Variants in USP20 observed in about 807,000 individuals in gnomAD.
USP20 encodes ubiquitin specific peptidase 20, also known as ubiquitin carboxyl-terminal hydrolase 20.
A neutral mutation model predicts 124.2 loss-of-function variants in USP20; 80 were observed. The ratio of observed to expected loss-of-function variants is 0.64; its 90% CI spans 0.54 to 0.78. USP20 has a LOEUF of 0.78. Ranked by LOEUF, USP20 falls within the 30% of genes least tolerant of loss-of-function variation. The pLI is 0.00. For missense variants in USP20, 1,043 were observed against 1,244.4 expected (o/e 0.84, Z 2.44); for synonymous variants, 481 against 512.3 (o/e 0.94, Z 0.83).
Position 129,869,385 on chromosome 9 carries a change from G to A in USP20, c.1352G>A (p.Gly451Asp). 2 of 1,613,696 alleles carry A rather than the reference G, an allele frequency of 1.2e-6. No homozygotes were observed. Among genetic ancestry groups the A allele is most frequent in the Non-Finnish European group, 1.7e-6 (2 of 1,179,978 alleles). ...AGCGTCATCTCAGACATCTTTGACGGCTCCATTCTCAGCCTTGTGCAGTGT... is the reference window on the plus strand; with the variant it reads ...AGCGTCATCTCAGACATCTTTGACGACTCCATTCTCAGCCTTGTGCAGTGT... Reference protein sequence around the residue: ...YRSVISDIFDGSILSLVQCLT... With the variant: ...YRSVISDIFDDSILSLVQCLT... Residue 451 changes from glycine to aspartate, a missense_variant, in exon 13 of 26, where the codon GGC becomes GAC. Transcript: ENST00000372429.
intron 10 of USP20, 57 bp downstream of exon 10, chr9:129,865,438 T>C: frequency 6.3e-7 from 1 of 1,591,310 alleles, no homozygotes; most frequent in South Asian, 1.1e-5. Flanking sequence ...CAGGCCTGAC[T>C]TTGACGCCAA....
chr9:129,874,776 C>A lies in USP20; in HGVS notation c.1921+20C>A. On this transcript the variant is annotated intron_variant, in intron 18 of 25. Transcript: ENST00000372429. ...CAGGCAGTGAGTCATGTCCCCTCCC[C>A]TGCCGTCCCCATCCGCTAGGATCCC... The A allele has an allele frequency of 1.2e-6, 2 of 1,613,754 alleles. No homozygotes were observed. Among genetic ancestry groups the A allele is most frequent in the East Asian group, 4.5e-5 (2 of 44,880 alleles).
intron 3 of USP20, among the ~76,000 whole-genome samples, chr9:129,855,363 G>A (rs1383516308): frequency 1.3e-5 from 2 of 151,920 alleles, no homozygotes; most frequent in Admixed American, 6.6e-5. Flanking sequence ...CCCCGGAGGC[G>A]GAGTTTGCAG....
intron 1 of USP20, among the ~76,000 whole-genome samples, chr9:129,846,239 A>ATT (rs1384907761): frequency 3.3e-4 from 7 of 21,404 alleles, no homozygotes; most frequent in East Asian, 7.4e-3. Flanking sequence ...ATATATATAT[A>ATT]TATATATATT....
At chr9:129,869,161 A>G (rs1451034063) in intron 12 of USP20, 149 bp from the exon 13 acceptor site, 4 of 1,316,834 alleles carry the variant, frequency 3.0e-6, no homozygotes, top group Non-Finnish European at 3.1e-6. Flanking sequence ...TTTGCAGAGG[A>G]TGACACAGAG....
intron 15 of USP20, among the ~76,000 whole-genome samples, chr9:129,873,035 C>T (rs1159208380): frequency 6.6e-6 from 1 of 151,332 alleles, no homozygotes; most frequent in East Asian, 1.9e-4. Context: ...GGCCTTCCCT[C>T]CCTCCAGTAC....
At chr9:129,878,234 C>T (rs1322687264) in intron 22 of USP20, 104 bp from the exon 23 acceptor site, 1 of 911,466 alleles carries the variant, frequency 1.1e-6, no homozygotes, top group Non-Finnish European at 1.7e-6. Flanking sequence ...TTTTGTAAGA[C>T]TCTTGGGTGA....
In USP20 at chr9:129,876,224, G is replaced by C. The variant is rs369782121; in HGVS notation, c.2395G>C (p.Asp799His). ...GGCCAAGCGCAGGAGGATCGAGATC[G>C]ACACCTTCATCAAGGTGCGTGCGGC... Reference protein sequence around the residue: ...ALAKRRRIEIDTFIKLNKAFQ... With the variant: ...ALAKRRRIEIHTFIKLNKAFQ... The change falls in exon 22 of 26, where the codon GAC (aspartate) becomes CAC (histidine). Residue 799 changes from aspartate (D) to histidine (H), a missense_variant. Physicochemically the swap from Asp to His is moderately conservative, Grantham distance 81. Transcript: ENST00000372429. 1 of 1,610,164 alleles carries C rather than the reference G, an allele frequency of 6.2e-7. No homozygotes were observed. The highest frequency in any genetic ancestry group is 8.5e-7 in the Non-Finnish European group (1 of 1,178,580).
rs376139944 is a variant in USP20, at chr9:129,875,614, A to G, written c.2273A>G (p.Gln758Arg). ...YIDDLVVILP[Q>R]NVWEHLYNRF... is the part of the protein sequence containing the mutation. ...GACGACCTGGTGGTCATCCTGCCCCAGAACGTCTGGGAGCACCTGTACAAC... is the reference window on the plus strand; with the variant it reads ...GACGACCTGGTGGTCATCCTGCCCCGGAACGTCTGGGAGCACCTGTACAAC... Residue 758 changes from glutamine to arginine, a missense_variant, in exon 21 of 26, where the codon CAG becomes CGG. Coordinates refer to ENST00000372429, the MANE Select transcript of USP20 (RefSeq NM_001110303.4). The G allele has an allele frequency of 1.9e-6, 3 of 1,613,910 alleles. No homozygotes were observed. In the African/African-American group the frequency reaches 4.0e-5, roughly 22 times the overall value.
chr9:129,855,518 C>T (rs931762685), intron 3 of USP20, among the ~76,000 whole-genome samples: 1 of 152,068 alleles, frequency 6.6e-6, no homozygotes, highest in Non-Finnish European at 1.5e-5. Context: ...CCATTCTCAA[C>T]ATGTGGCTTT....
intron 8 of USP20, 57 bp from the exon 9 acceptor site, chr9:129,863,129 A>G (rs2033636046): frequency 1.4e-6 from 2 of 1,397,726 alleles, no homozygotes; most frequent in Non-Finnish European, 9.7e-7. Context: ...AGCCCTTTCT[A>G]AACTGCCGCA....
chr9:129,871,330 GCAGCGT>G lies in USP20; in HGVS notation c.1660+784_1660+789del, dbSNP rs527336928. ...AACGTCCTTAGGGTTCATCCACGTT[GCAGCGT>G]GTGTGTCGGAATGCCCTGCCTTTTG... On this transcript the variant is annotated intron_variant, in intron 15 of 25. Coordinates refer to ENST00000372429, the MANE Select transcript of USP20 (RefSeq NM_001110303.4). 8.5e-4 allele frequency among the ~76,000 whole-genome samples: 11 copies of G among 12,948 alleles called. No homozygotes were observed. In the Admixed American group the frequency reaches 0.02, roughly 24 times the overall value. The allele number at this position is 12,948 out of a possible 152,430, so 8.5% of individuals were successfully genotyped here.
At chr9:129,841,397 T>C (rs2032203037) in intron 1 of USP20, among the ~76,000 whole-genome samples, 1 of 152,250 alleles carries the variant, frequency 6.6e-6, no homozygotes, top group Non-Finnish European at 1.5e-5. Context: ...AGACATTATC[T>C]TCAAATATGA....
In USP20 at chr9:129,842,748, C is replaced by G. The variant is rs575727768; in HGVS notation, c.-128-7065C>G. The stretch of plus-strand genomic sequence containing the variant: ...AGCTGGGCTTACAGGCATGTGCCAC[C>G]ACACCTGGCTAATTTTTTGTATTTT... On this transcript the variant is annotated intron_variant, in intron 1 of 25. Transcript: ENST00000372429. Among the ~76,000 whole-genome samples the G allele has an allele frequency of 4.0e-3, 616 of 152,146 alleles. 3 individuals are homozygous for G. The highest frequency in any genetic ancestry group is 6.7e-3 in the Non-Finnish European group (455 of 68,002).
intron 1 of USP20, among the ~76,000 whole-genome samples, chr9:129,837,721 G>A (rs1053098329): frequency 3.3e-5 from 5 of 152,188 alleles, no homozygotes; most frequent in African/African-American, 1.2e-4. Context: ...GGGTGGCAAG[G>A]TTGAGTTGCA....
intron 2 of USP20, among the ~76,000 whole-genome samples, chr9:129,850,219 CT>C (rs3837285): frequency 3.3e-5 from 5 of 151,788 alleles, no homozygotes; most frequent in African/African-American, 4.8e-5. Flanking sequence ...TTGTTTTTTC[CT>C]TTTTTTTCTT....
chr9:129,835,658 CT>C, intron 1 of USP20, 159 bp downstream of exon 1: 1 of 156,112 alleles, frequency 6.4e-6, no homozygotes, highest in East Asian at 1.9e-4. Flanking sequence ...GCCGCCGCCC[CT>C]CTCCCCTCCT....
rs1250391923 is a variant in USP20 at position 129,852,595 on chromosome 9, A to G, written c.40A>G (p.Ile14Val). Residue 14 changes from isoleucine (I) to valine (V), a missense_variant, in exon 3 of 26, where the codon ATA becomes GTA. By Grantham distance (29) the Ile-to-Val change is conservative (BLOSUM62 3). Coordinates refer to ENST00000372429, the MANE Select transcript of USP20 (RefSeq NM_001110303.4). ...SRDLCPHLDS[I>V]GEVTKEDLLL... ...GGACCTTTGCCCTCACCTTGACTCCATAGGAGAGGTGACCAAAGAGGACTT... is the reference window on the plus strand; with the variant it reads ...GGACCTTTGCCCTCACCTTGACTCCGTAGGAGAGGTGACCAAAGAGGACTT... 16 of 1,600,360 alleles carry G rather than the reference A, an allele frequency of 1.0e-5. No homozygotes were observed. The highest frequency in any genetic ancestry group is 1.4e-5 in the Non-Finnish European group (16 of 1,172,760).
chr9:129,867,820 C>T (rs2033892943), intron 10 of USP20, among the ~76,000 whole-genome samples, 185 bp from the exon 11 acceptor site: 2 of 152,200 alleles, frequency 1.3e-5, no homozygotes, highest in South Asian at 4.1e-4. Flanking sequence ...TCACTGTTAT[C>T]CTCAGAAGAA....
Sources: gnomAD v4.1 joint callset for allele counts (sites outside exome capture counted in the v4.1 genomes callset) on GRCh38, gnomAD v4.1.1 for gene constraint, MANE v1.5 for transcripts, NCBI Gene and HGNC (gene_info 2026-07-23, HGNC 2026-07-21) for gene names.